Variants in SND1 observed in about 807,000 individuals in gnomAD.
SND1 encodes the protein staphylococcal nuclease domain-containing protein 1.
In SND1, 38 loss-of-function variants were observed where a neutral mutation model predicts 121.7. That is an observed-to-expected ratio of 0.31 (90% CI 0.24 to 0.41). The LOEUF is 0.41. SND1 is among the 10% of genes least tolerant of loss of function. SND1 has a pLI of 1.00. For synonymous variants in SND1, 401 were observed against 447.4 expected, an observed-to-expected ratio of 0.90 and a Z score of 1.31; for missense variants, 868 against 1,184.6, an observed-to-expected ratio of 0.73 and a Z score of 3.92.
chr7:128,003,915 C>T (rs6948871), intron 16 of SND1, among the ~76,000 whole-genome samples: 4,823 of 152,288 alleles, frequency 0.032, 140 homozygotes, highest in Middle Eastern at 0.12. Context: ...AGAGCTCCTT[C>T]TTCATCAGCT....
intron 15 of SND1, among the ~76,000 whole-genome samples, chr7:127,958,762 TAGAG>T (rs1339081272): frequency 6.6e-6 from 1 of 152,044 alleles, no homozygotes; most frequent in African/African-American, 2.4e-5. Context: ...GTAGAATACA[TAGAG>T]AGAGGAGAGC....
intron 11 of SND1, among the ~76,000 whole-genome samples, chr7:127,835,889 A>G (rs1276936991): frequency 1.3e-5 from 2 of 152,160 alleles, no homozygotes; most frequent in African/African-American, 2.4e-5. Context: ...CTGCTTGGTC[A>G]GTATATTTTC....
intron 16 of SND1, chr7:127,999,443 T>G (rs1377021009): frequency 1.3e-5 from 2 of 151,976 alleles, no homozygotes; most frequent in Non-Finnish European, 2.9e-5. Context: ...AGTTTCATTT[T>G]TCCCCCCAAG....
intron 11 of SND1, among the ~76,000 whole-genome samples, chr7:127,808,491 C>T (rs1222016710): frequency 6.6e-6 from 1 of 152,292 alleles, no homozygotes; most frequent in South Asian, 2.1e-4. Context: ...AAGCCTCTGA[C>T]TTTTGAACTA....
intron 11 of SND1, 100 bp from the exon 12 acceptor site, chr7:127,844,224 T>C: frequency 1.3e-6 from 1 of 749,542 alleles, no homozygotes; most frequent in Non-Finnish European, 2.1e-6. Context: ...AAAACCAAAC[T>C]GGAGTGAGCT....
In SND1 at chr7:127,983,710, A is replaced by G. The variant is rs190610895; in HGVS notation, c.1670-7237A>G. The stretch of plus-strand genomic sequence containing the variant: ...TATTGAATATTCAATATTCAATAAT[A>G]TTGAATATTATTAATTTGCCTAAAT... On this transcript the variant is annotated intron_variant, in intron 15 of 23. Coordinates refer to ENST00000354725, the MANE Select transcript of SND1 (RefSeq NM_014390.4). Among the ~76,000 whole-genome samples the G allele has an allele frequency of 3.9e-5, 6 of 152,262 alleles. No homozygotes were observed. The East Asian group carries it at 1.2e-3, about 29-fold the overall frequency.
chr7:127,749,042 C>CTTTT (rs1491284090), intron 10 of SND1, among the ~76,000 whole-genome samples: 4 of 114,570 alleles, frequency 3.5e-5, no homozygotes, highest in Non-Finnish European at 3.6e-5. Flanking sequence ...TTTTTTCTTT[C>CTTTT]GTTTTTTTTT....
chr7:127,729,324 T>G (rs1208954499), intron 10 of SND1, among the ~76,000 whole-genome samples: 1 of 152,162 alleles, frequency 6.6e-6, no homozygotes, highest in African/African-American at 2.4e-5. Context: ...GTTGTCAGAT[T>G]ATTTCTTTGC....
intron 10 of SND1, among the ~76,000 whole-genome samples, chr7:127,760,208 A>C (rs1434254693): frequency 6.6e-6 from 1 of 152,212 alleles, no homozygotes; most frequent in Non-Finnish European, 1.5e-5. Context: ...TTAATCATTA[A>C]TCTGTCTTGT....
intron 13 of SND1, among the ~76,000 whole-genome samples, chr7:127,898,691 A>G (rs957334335): frequency 1.3e-5 from 2 of 151,974 alleles, no homozygotes. Flanking sequence ...CTACTGAGTC[A>G]TTTTTCCTTG....
chr7:128,089,145 C>T lies in SND1; in HGVS notation c.2419-344C>T, dbSNP rs543747688. The stretch of plus-strand genomic sequence containing the variant: ...TATTGGCTCACTGCAGCCTCCGCCT[C>T]CTAGCTTCAAGCGATTCTCGTGCCG... On this transcript the variant is annotated intron_variant, in intron 21 of 23. Transcript: ENST00000354725. Among the ~76,000 whole-genome samples the T allele has an allele frequency of 7.9e-5, 12 of 152,290 alleles. No homozygotes were observed. In the South Asian group the frequency reaches 2.3e-3, roughly 29 times the overall value.
chr7:127,927,089 A>G (rs565575149), intron 14 of SND1, among the ~76,000 whole-genome samples: 1 of 152,244 alleles, frequency 6.6e-6, no homozygotes, highest in South Asian at 2.1e-4. Context: ...GATTATTCTC[A>G]GTCTGAGTAG....
chr7:127,994,816 A>G (rs564232990), intron 16 of SND1, among the ~76,000 whole-genome samples: 176 of 152,146 alleles, frequency 1.2e-3, no homozygotes, highest in Non-Finnish European at 1.9e-3. Flanking sequence ...GGTTCAAGCA[A>G]TTCTCCTGCC....
chr7:127,802,563 C>A (rs1399505914), intron 10 of SND1, among the ~76,000 whole-genome samples: 1 of 152,264 alleles, frequency 6.6e-6, no homozygotes, highest in South Asian at 2.1e-4. Flanking sequence ...TGGTATTTTC[C>A]TTCCGCCCTG....
intron 10 of SND1, among the ~76,000 whole-genome samples, chr7:127,739,694 A>C (rs1796841794): frequency 6.6e-6 from 1 of 152,192 alleles, no homozygotes; most frequent in Admixed American, 6.5e-5. Flanking sequence ...GCCATGGAAG[A>C]GATGTAGAAG....
intron 16 of SND1, among the ~76,000 whole-genome samples, chr7:128,036,486 G>A (rs1271763768): frequency 6.6e-6 from 1 of 152,170 alleles, no homozygotes; most frequent in African/African-American, 2.4e-5. Flanking sequence ...TTCCCCCAAG[G>A]ACTCAGCTCT....
chr7:127,971,164 C>T (rs557697201), intron 15 of SND1, among the ~76,000 whole-genome samples: 221 of 152,250 alleles, frequency 1.5e-3, no homozygotes, highest in Non-Finnish European at 2.8e-3. Context: ...AGAGTTATTT[C>T]GATGTCACTT....
chr7:127,904,736 T>G lies in SND1; in HGVS notation c.1455-11T>G. 6.3e-7 allele frequency: 1 copy of G among 1,591,470 alleles called. No individual in the cohort carries two copies. The highest frequency in any genetic ancestry group is 8.6e-7 in the Non-Finnish European group (1 of 1,159,570). On this transcript the variant is annotated splice_polypyrimidine_tract_variant and intron_variant, in intron 13 of 23. Coordinates refer to ENST00000354725, the MANE Select transcript of SND1 (RefSeq NM_014390.4). ...CTTGTTTTAATCGGTTTTTCTCTTC[T>G]TCCTTAACAGAGCTATTAAGAATGG...
chr7:127,704,319 T>C (rs1324884928), intron 7 of SND1, among the ~76,000 whole-genome samples: 1 of 152,190 alleles, frequency 6.6e-6, no homozygotes, highest in Non-Finnish European at 1.5e-5. Flanking sequence ...GTCATGTCTG[T>C]TTCTTCTGGA....
Sources: gnomAD v4.1 joint callset for allele counts (sites outside exome capture counted in the v4.1 genomes callset) on GRCh38, gnomAD v4.1.1 for gene constraint, MANE v1.5 for transcripts, NCBI Gene and HGNC (gene_info 2026-07-23, HGNC 2026-07-21) for gene names.